DNAH17: variants seen among roughly 807,000 people sequenced by gnomAD.
The protein encoded by DNAH17 is dynein axonemal heavy chain 17.
In DNAH17, 376 loss-of-function variants were observed where a neutral mutation model predicts 485.6. The observed-to-expected ratio is 0.77, with a 90% CI of 0.71 to 0.84. The LOEUF (loss-of-function observed/expected upper bound fraction) is 0.84, where lower values mean the gene tolerates loss of function less well. DNAH17 is among the 40% of genes least tolerant of loss of function. The pLI, the probability that DNAH17 is intolerant of heterozygous loss-of-function variation, is 0.00. For synonymous variants in DNAH17, 3,031 were observed against 2,405.9 expected (o/e 1.26, Z -7.60); for missense variants, 6,370 against 5,839.3 (o/e 1.09, Z -2.96).
At chr17:78,485,083 C>T in intron 47 of DNAH17, 50 bp from the exon 48 acceptor site, 1 of 1,544,962 alleles carries the variant, frequency 6.5e-7, no homozygotes, top group Non-Finnish European at 8.7e-7. Flanking sequence ...TGAGCCAGAG[C>T]CTGTTAGGTA....
At chr17:78,563,652 A>G (rs2092206679) in intron 11 of DNAH17, among the ~76,000 whole-genome samples, 1 of 152,164 alleles carries the variant, frequency 6.6e-6, no homozygotes, top group Non-Finnish European at 1.5e-5. Flanking sequence ...TTGGAAAGGA[A>G]GCGAATTCTA....
At chr17:78,534,804 T>C (rs1002677343) in intron 19 of DNAH17, among the ~76,000 whole-genome samples, 1 of 152,142 alleles carries the variant, frequency 6.6e-6, no homozygotes, top group Non-Finnish European at 1.5e-5. Flanking sequence ...CTCAGCTCTC[T>C]AAATCCCTGT....
chr17:78,429,758 C>T (rs1235568371), intron 75 of DNAH17, among the ~76,000 whole-genome samples: 1 of 152,184 alleles, frequency 6.6e-6, no homozygotes, highest in Non-Finnish European at 1.5e-5. Context: ...CTGTGTGGCT[C>T]AAGGATTGAC....
At chr17:78,570,884 A>AG (rs1555698008) in intron 6 of DNAH17, 64 bp downstream of exon 6, 4 of 698,216 alleles carry the variant, frequency 5.7e-6, no homozygotes, top group African/African-American at 2.3e-5. Flanking sequence ...AAAAAGAAAA[A>AG]AGAAAAGAAA....
intron 54 of DNAH17, among the ~76,000 whole-genome samples, chr17:78,471,961 C>T (rs1208115723): frequency 1.3e-5 from 2 of 152,132 alleles, no homozygotes; most frequent in African/African-American, 2.4e-5. Flanking sequence ...GGCAGTTCTC[C>T]CCCACCCTCC....
chr17:78,532,006 C>T (rs1477480544), intron 20 of DNAH17, among the ~76,000 whole-genome samples: 1 of 152,172 alleles, frequency 6.6e-6, no homozygotes, highest in East Asian at 1.9e-4. Context: ...CAACCCGGAG[C>T]CCACACCTCC....
In DNAH17 at chr17:78,431,448, A is replaced by ACCCCCC. The variant is rs537043508; in HGVS notation, c.12226-2154_12226-2149dup. Among the ~76,000 whole-genome samples the ACCCCCC allele has an allele frequency of 2.4e-3, 335 of 136,994 alleles. 8 individuals carry two copies. Among genetic ancestry groups the ACCCCCC allele is most frequent in the Non-Finnish European group, 2.7e-3 (173 of 63,022 alleles). The allele number at this position is 136,994 out of a possible 152,430, so 89.9% of individuals were successfully genotyped here. On this transcript the variant is annotated intron_variant, in intron 75 of 80. Transcript: ENST00000389840. The stretch of plus-strand genomic sequence containing the variant: ...TGCATTTCCCGTACCTGCTGAGGGA[A>ACCCCCC]CCCCCCACCCCGAGACTCCTGGGGG...
At chr17:78,503,357 T>TTTG (rs1199953028) in intron 31 of DNAH17, among the ~76,000 whole-genome samples, 1 of 149,568 alleles carries the variant, frequency 6.7e-6, no homozygotes, top group African/African-American at 2.5e-5. Flanking sequence ...TTTTTTTTTT[T>TTTG]TGTATTTTTA....
rs764242974 is a variant in DNAH17, at chr17:78,450,415, T to G, written c.10900-21A>C. On this transcript the variant is annotated intron_variant, in intron 67 of 80. Coordinates refer to ENST00000389840, the MANE Select transcript of DNAH17 (RefSeq NM_173628.4). Reference sequence around the variant, plus strand: ...ACCACCTCGACACAAACAAAAGGGGTGTGAATGACACAGCAGATGGGCAGT... The same window carrying G: ...ACCACCTCGACACAAACAAAAGGGGGGTGAATGACACAGCAGATGGGCAGT... The G allele has an allele frequency of 5.0e-6, 8 of 1,612,710 alleles. No individual in the cohort carries two copies. The South Asian group carries it at 7.7e-5, about 16-fold the overall frequency.
At chr17:78,519,482 C>T (rs184168205) in intron 25 of DNAH17, among the ~76,000 whole-genome samples, 1 of 152,034 alleles carries the variant, frequency 6.6e-6, no homozygotes, top group South Asian at 2.1e-4. Context: ...TAAAACAGCA[C>T]AAAAGTTAAA....
At position 78,458,730 on chromosome 17, in the gene DNAH17, A is replaced by C. The variant is rs749045550; in HGVS notation, c.9862-50T>G. 5.3e-6 allele frequency: 8 copies of C among 1,497,128 alleles called. No individual in the cohort carries two copies. The African/African-American group carries it at 8.3e-5, about 16-fold the overall frequency. 92.7% of individuals were successfully genotyped at this position (1,497,128 alleles called of 1,614,324 possible). A position where few individuals can be genotyped will look rare whatever the true frequency, so the allele number is the denominator to read the frequency against. ...CTGGAAAACCCCACGAGGCATCTCT[A>C]GCCCCCTGCAGCGGCAGCAGGGCTG... is the stretch of plus-strand genomic sequence containing the variant. On this transcript the variant is annotated intron_variant, in intron 61 of 80. Coordinates refer to ENST00000389840, the MANE Select transcript of DNAH17 (RefSeq NM_173628.4).
rs1004337593 is a variant in DNAH17, at chr17:78,531,215, G to T, written c.3115-703C>A. Among the ~76,000 whole-genome samples, 21 of 152,132 alleles carry T rather than the reference G, an allele frequency of 1.4e-4. 1 individual carries two copies. The highest frequency in any genetic ancestry group is 2.6e-4 in the Admixed American group (4 of 15,278). ...TACCACTGTTTGCTTTATATATCTGGGTGCTCTGGTGCTGGGCGCATAGAT... is the reference window on the plus strand; with the variant it reads ...TACCACTGTTTGCTTTATATATCTGTGTGCTCTGGTGCTGGGCGCATAGAT... On this transcript the variant is annotated intron_variant, in intron 20 of 80. Transcript: ENST00000389840.
At chr17:78,555,333 C>T (rs2091995868) in intron 14 of DNAH17, among the ~76,000 whole-genome samples, 1 of 152,082 alleles carries the variant, frequency 6.6e-6, no homozygotes, top group Non-Finnish European at 1.5e-5. Flanking sequence ...AATCTCAGAA[C>T]ACACCTCTTT....
chr17:78,550,413 C>CCAGCACTGAAACTGAGGCAGGG (rs1568239972), intron 16 of DNAH17, among the ~76,000 whole-genome samples: 6 of 152,008 alleles, frequency 3.9e-5, no homozygotes, highest in South Asian at 2.1e-4. Flanking sequence ...GTGTAGGGGC[C>CCAGCACTGAAACTGAGGCAGGG]CTGACACCCA....
chr17:78,460,802 C>T (rs2088081411), intron 58 of DNAH17, among the ~76,000 whole-genome samples: 1 of 152,124 alleles, frequency 6.6e-6, no homozygotes, highest in Non-Finnish European at 1.5e-5. Flanking sequence ...GTTTCATAAT[C>T]CATCCAAAAT....
chr17:78,498,427 G>A (rs1036818104), intron 37 of DNAH17, among the ~76,000 whole-genome samples: 1 of 152,220 alleles, frequency 6.6e-6, no homozygotes, highest in African/African-American at 2.4e-5. Flanking sequence ...ATCACCTGAG[G>A]CATTTGTTTA....
rs747761178 is a variant in DNAH17 at position 78,492,663 on chromosome 17, T to C, written c.6511A>G (p.Ile2171Val). The part of the protein sequence containing the change: ...AVTCDELFGI[I>V]NPVTREWKDG... Reference sequence around the variant, plus strand: ...TTCCATTCCCTGGTCACTGGGTTGATGATGCCAAAGAGCTCGTCGCAGGTG... The same window carrying C: ...TTCCATTCCCTGGTCACTGGGTTGACGATGCCAAAGAGCTCGTCGCAGGTG... Residue 2171 changes from isoleucine (I) to valine (V), a missense_variant, in exon 42 of 81, where the codon ATC becomes GTC. Physicochemically the swap from Ile to Val is conservative, Grantham distance 29. Transcript: ENST00000389840. 6.8e-6 allele frequency: 11 copies of C among 1,613,772 alleles called. No homozygotes were observed. In the South Asian group the frequency reaches 1.1e-4, roughly 16 times the overall value.
chr17:78,547,975 C>T (rs1213710361), intron 16 of DNAH17, among the ~76,000 whole-genome samples: 1 of 152,170 alleles, frequency 6.6e-6, no homozygotes, highest in Admixed American at 6.5e-5. Context: ...TCATCTTACA[C>T]ATTATCTATT....
intron 31 of DNAH17, among the ~76,000 whole-genome samples, chr17:78,503,499 T>C (rs971907200): frequency 6.6e-6 from 1 of 151,930 alleles, no homozygotes; most frequent in Non-Finnish European, 1.5e-5. Flanking sequence ...ATTTTCTTCT[T>C]AAATTGAGAT....
Sources: allele counts gnomAD v4.1 joint callset (sites outside exome capture counted in the v4.1 genomes callset), GRCh38; gene constraint gnomAD v4.1.1; transcripts MANE v1.5; gene names NCBI Gene and HGNC (gene_info 2026-07-23, HGNC 2026-07-21).